The following SLX4IP variants were observed in gnomAD, a reference collection of about 807,000 sequenced individuals.
SLX4IP encodes SLX4 interacting protein, also known as protein SLX4IP.
Under a neutral mutation model 32.9 loss-of-function variants are expected in SLX4IP, and 34 were observed. The observed-to-expected ratio is 1.03, with a 90% CI of 0.79 to 1.38. The LOEUF (loss-of-function observed/expected upper bound fraction) is 1.38, where lower values mean the gene tolerates loss of function less well. SLX4IP is among the 40% of genes most tolerant of loss of function. The pLI is 0.00. For synonymous variants in SLX4IP, 172 were observed against 171.7 expected (o/e 1.00, Z -0.01); for missense variants, 444 against 479.0 (o/e 0.93, Z 0.68).
intron 1 of SLX4IP, among the ~76,000 whole-genome samples, chr20:10,441,150 T>G (rs1183333675): frequency 6.6e-6 from 1 of 152,064 alleles, no homozygotes; most frequent in African/African-American, 2.4e-5. Flanking sequence ...AAAACTAGAT[T>G]CAGGCCGGAC....
intron 2 of SLX4IP, among the ~76,000 whole-genome samples, chr20:10,469,673 T>C (rs1452836605): frequency 6.6e-6 from 1 of 152,192 alleles, no homozygotes; most frequent in East Asian, 1.9e-4. Flanking sequence ...AGTAAGCACC[T>C]TGGATTCTCT....
intron 1 of SLX4IP, among the ~76,000 whole-genome samples, chr20:10,452,680 A>ATATATATAT (rs1555805196): frequency 1.0e-4 from 11 of 109,498 alleles, no homozygotes; most frequent in South Asian, 3.2e-4. Context: ...AAAAAAAAAA[A>ATATATATAT]ATATATATAT....
intron 2 of SLX4IP, among the ~76,000 whole-genome samples, chr20:10,524,018 G>C (rs563791560): frequency 2.0e-5 from 3 of 152,340 alleles, no homozygotes; most frequent in Admixed American, 2.0e-4. Flanking sequence ...CTGGCTGGTC[G>C]AACGTAAGAG....
intron 2 of SLX4IP, among the ~76,000 whole-genome samples, chr20:10,542,939 G>A (rs1485451197): frequency 6.6e-6 from 1 of 152,140 alleles, no homozygotes; most frequent in East Asian, 1.9e-4. Flanking sequence ...CCATTCCAGT[G>A]CTGGAAATGC....
intron 2 of SLX4IP, among the ~76,000 whole-genome samples, chr20:10,468,874 C>A (rs185826459): frequency 6.6e-6 from 1 of 152,260 alleles, no homozygotes; most frequent in East Asian, 1.9e-4. Context: ...TAGCCACATT[C>A]CCTGGGAAGA....
intron 2 of SLX4IP, among the ~76,000 whole-genome samples, chr20:10,480,257 T>C (rs1037078600): frequency 2.6e-5 from 4 of 152,134 alleles, no homozygotes; most frequent in South Asian, 2.1e-4. Flanking sequence ...TAACCAGGCA[T>C]GGTGGCATGC....
intron 2 of SLX4IP, among the ~76,000 whole-genome samples, chr20:10,495,622 G>C (rs2065660491): frequency 6.6e-6 from 1 of 151,980 alleles, no homozygotes; most frequent in African/African-American, 2.4e-5. Flanking sequence ...GTCAGTTTTT[G>C]CTTTATGTAT....
chr20:10,502,054 A>G (rs891793749), intron 2 of SLX4IP, among the ~76,000 whole-genome samples: 4 of 152,200 alleles, frequency 2.6e-5, no homozygotes, highest in African/African-American at 9.6e-5. Context: ...TGGGGCCGAA[A>G]CGGCGGCTTA....
chr20:10,485,526 A>C (rs2065564359), intron 2 of SLX4IP, among the ~76,000 whole-genome samples: 1 of 152,028 alleles, frequency 6.6e-6, no homozygotes, highest in African/African-American at 2.4e-5. Context: ...CTGAGGCAGG[A>C]GAATCGCTTG....
chr20:10,516,901 T>C (rs984280716), intron 2 of SLX4IP, among the ~76,000 whole-genome samples: 9 of 152,218 alleles, frequency 5.9e-5, no homozygotes, highest in African/African-American at 2.2e-4. Context: ...AGTCCAAATA[T>C]GGTATTGCTT....
chr20:10,522,196 A>G (rs954066724), intron 2 of SLX4IP, among the ~76,000 whole-genome samples: 3 of 152,206 alleles, frequency 2.0e-5, no homozygotes, highest in African/African-American at 7.2e-5. Flanking sequence ...TCTGCTCTCA[A>G]TAGAAAATGC....
At chr20:10,457,083 G>T (rs1292477063) in intron 1 of SLX4IP, among the ~76,000 whole-genome samples, 4 of 152,026 alleles carry the variant, frequency 2.6e-5, no homozygotes, top group Non-Finnish European at 4.4e-5. Context: ...CTACAACCTT[G>T]CTGAACTTAT....
At chr20:10,610,562 G>A (rs2066954455) in intron 6 of SLX4IP, among the ~76,000 whole-genome samples, 1 of 152,344 alleles carries the variant, frequency 6.6e-6, no homozygotes, top group South Asian at 2.1e-4. Context: ...AGTCTGAAAT[G>A]GGGAAGGTCA....
intron 2 of SLX4IP, among the ~76,000 whole-genome samples, chr20:10,521,487 G>A (rs1051279470): frequency 6.6e-6 from 1 of 152,110 alleles, no homozygotes. Flanking sequence ...ATACAGTCAA[G>A]GAACCTGATG....
At chr20:10,438,985 A>G (rs1292820273) in intron 1 of SLX4IP, among the ~76,000 whole-genome samples, 1 of 151,746 alleles carries the variant, frequency 6.6e-6, no homozygotes, top group African/African-American at 2.4e-5. Flanking sequence ...TATTATAGGC[A>G]TGAGCCACAC....
chr20:10,603,064 C>T (rs1045396996), intron 6 of SLX4IP, among the ~76,000 whole-genome samples: 8 of 152,090 alleles, frequency 5.3e-5, no homozygotes, highest in Non-Finnish European at 8.8e-5. Context: ...GAGTTATCTT[C>T]GTAAACTAAT....
intron 2 of SLX4IP, among the ~76,000 whole-genome samples, chr20:10,466,702 C>T (rs971028935): frequency 6.6e-6 from 1 of 151,988 alleles, no homozygotes; most frequent in African/African-American, 2.4e-5. Flanking sequence ...GGAGGCTAAA[C>T]GCTTTTACTT....
intron 2 of SLX4IP, among the ~76,000 whole-genome samples, chr20:10,518,535 TTCC>T (rs2065877722): frequency 7.4e-6 from 1 of 135,292 alleles, no homozygotes; most frequent in African/African-American, 2.8e-5. Context: ...CCTTCCTTCC[TTCC>T]TTCCTTCCTT....
chr20:10,497,282 T>C (rs183121022), intron 2 of SLX4IP, among the ~76,000 whole-genome samples: 70 of 152,324 alleles, frequency 4.6e-4, no homozygotes, highest in African/African-American at 1.6e-3. Context: ...AGATATTTTC[T>C]GTGAATATTT....
Sources: allele counts gnomAD v4.1 joint callset (sites outside exome capture counted in the v4.1 genomes callset), GRCh38; gene constraint gnomAD v4.1.1; transcripts MANE v1.5; gene names NCBI Gene and HGNC (gene_info 2026-07-23, HGNC 2026-07-21).